The following ANO6 variants were observed in gnomAD, a reference collection of about 807,000 sequenced individuals.
ANO6 encodes the protein anoctamin-6.
In ANO6, 106 loss-of-function variants were observed where a neutral mutation model predicts 117.5. The ratio of observed to expected loss-of-function variants is 0.90; its 90% CI spans 0.77 to 1.06. The LOEUF is 1.06. ANO6 is among the 50% of genes least tolerant of loss of function. The pLI is 0.00. For synonymous variants in ANO6, 367 were observed against 385.1 expected (o/e 0.95, Z 0.55); for missense variants, 955 against 1,121.1 (o/e 0.85, Z 2.12).
At chr12:45,398,504 C>G (rs113598565) in intron 12 of ANO6, among the ~76,000 whole-genome samples, 1 of 152,116 alleles carries the variant, frequency 6.6e-6, no homozygotes, top group Non-Finnish European at 1.5e-5. Context: ...ATGCTTTAAT[C>G]CACTAATTTA....
chr12:45,335,542 A>T (rs1218169333), intron 3 of ANO6: 1 of 152,002 alleles, frequency 6.6e-6, no homozygotes, highest in East Asian at 1.9e-4. Flanking sequence ...ATGCACCAAA[A>T]CGCAAAATTT....
chr12:45,404,841 G>A lies in ANO6; in HGVS notation c.1880+1305G>A, dbSNP rs901539567. Among the ~76,000 whole-genome samples the A allele has an allele frequency of 2.0e-5, 3 of 151,956 alleles. No homozygotes were observed. The East Asian group carries it at 5.8e-4, about 29-fold the overall frequency. On this transcript the variant is annotated intron_variant, in intron 15 of 19. Transcript: ENST00000320560. The stretch of plus-strand genomic sequence containing the variant: ...TCGCCTCCTGCCATGTTGCCCTCTT[G>A]CCTCCATCACATACAACTTCTCTCT...
chr12:45,324,477 C>T (rs866083568), intron 2 of ANO6, among the ~76,000 whole-genome samples: 1 of 152,130 alleles, frequency 6.6e-6, no homozygotes, highest in South Asian at 2.1e-4. Context: ...AAGTTGCAAA[C>T]GTTGATTTCC....
chr12:45,235,887 G>C (rs1338783995), intron 1 of ANO6, among the ~76,000 whole-genome samples: 1 of 152,012 alleles, frequency 6.6e-6, no homozygotes, highest in Non-Finnish European at 1.5e-5. Flanking sequence ...CTCCAGCTGT[G>C]AGCTGGGTGT....
chr12:45,368,049 T>G (rs1041728890), intron 9 of ANO6, among the ~76,000 whole-genome samples: 1 of 152,212 alleles, frequency 6.6e-6, no homozygotes. Flanking sequence ...TATTTGAGTA[T>G]TTCAAGTAAT....
At chr12:45,301,346 C>T (rs983425283) in intron 1 of ANO6, among the ~76,000 whole-genome samples, 6 of 151,682 alleles carry the variant, frequency 4.0e-5, no homozygotes, top group South Asian at 2.1e-4. Context: ...AATCTCAGCA[C>T]GTTGGGAGGC....
At chr12:45,304,739 T>G (rs1939609488) in intron 2 of ANO6, among the ~76,000 whole-genome samples, 1 of 152,212 alleles carries the variant, frequency 6.6e-6, no homozygotes, top group African/African-American at 2.4e-5. Context: ...TTCTTTCCTT[T>G]GAAACGAGAC....
chr12:45,249,091 A>T (rs2137183222), intron 1 of ANO6, among the ~76,000 whole-genome samples: 1 of 152,310 alleles, frequency 6.6e-6, no homozygotes, highest in East Asian at 1.9e-4. Flanking sequence ...ACTTTTTCTG[A>T]GGATGAAATA....
chr12:45,310,713 A>G (rs943147584), intron 2 of ANO6, among the ~76,000 whole-genome samples: 1 of 152,080 alleles, frequency 6.6e-6, no homozygotes, highest in South Asian at 2.1e-4. Flanking sequence ...CCAGGGTATT[A>G]AAAGAGCTTG....
intron 1 of ANO6, among the ~76,000 whole-genome samples, chr12:45,233,637 T>C (rs1170826370): frequency 6.6e-6 from 1 of 152,204 alleles, no homozygotes; most frequent in African/African-American, 2.4e-5. Context: ...CAGTGATATT[T>C]TTGGTTAACA....
At chr12:45,422,893 GC>G in intron 18 of ANO6, 63 bp from the exon 19 acceptor site, 2 of 1,235,090 alleles carry the variant, frequency 1.6e-6, no homozygotes, top group Non-Finnish European at 2.4e-6. Context: ...TTTAAATGGG[GC>G]CTTTGTTTAC....
intron 1 of ANO6, among the ~76,000 whole-genome samples, chr12:45,222,189 C>G (rs1458634648): frequency 6.6e-6 from 1 of 151,680 alleles, no homozygotes; most frequent in Admixed American, 6.6e-5. Context: ...CCCCCCCACT[C>G]CAGCTCTGTT....
intron 1 of ANO6, among the ~76,000 whole-genome samples, chr12:45,300,458 G>A (rs1939445611): frequency 6.6e-6 from 1 of 152,198 alleles, no homozygotes; most frequent in Non-Finnish European, 1.5e-5. Flanking sequence ...GATTACAAGT[G>A]TGAGTTATCA....
chr12:45,355,467 C>T (rs1941386412), intron 7 of ANO6, among the ~76,000 whole-genome samples: 1 of 152,034 alleles, frequency 6.6e-6, no homozygotes, highest in Admixed American at 6.6e-5. Context: ...GGAGCTTGGA[C>T]CAGGCAACTT....
At chr12:45,312,181 G>A (rs1939869897) in intron 2 of ANO6, among the ~76,000 whole-genome samples, 1 of 152,044 alleles carries the variant, frequency 6.6e-6, no homozygotes, top group South Asian at 2.1e-4. Flanking sequence ...TGGACATTCT[G>A]AACAAAGATG....
downstream of ANO6, among the ~76,000 whole-genome samples, chr12:45,435,397 G>GGCCA (rs1361693639): frequency 2.6e-5 from 4 of 152,184 alleles, no homozygotes; most frequent in Non-Finnish European, 5.9e-5. Context: ...CTGCCAGGAT[G>GGCCA]GCCAGTCTGT....
At chr12:45,273,442 A>G (rs1938452412) in intron 1 of ANO6, among the ~76,000 whole-genome samples, 1 of 152,220 alleles carries the variant, frequency 6.6e-6, no homozygotes, top group Non-Finnish European at 1.5e-5. Flanking sequence ...GCAGCCAAGC[A>G]AAATAGTTGA....
chr12:45,388,124 T>C (rs1274092505), intron 10 of ANO6, 37 bp from the exon 11 acceptor site: 4 of 1,612,740 alleles, frequency 2.5e-6, no homozygotes, highest in Non-Finnish European at 2.5e-6. Flanking sequence ...TCAGTCATCA[T>C]TGAAAATCCA....
chr12:45,382,805 T>C (rs1942202082), intron 10 of ANO6, among the ~76,000 whole-genome samples: 1 of 152,224 alleles, frequency 6.6e-6, no homozygotes, highest in African/African-American at 2.4e-5. Context: ...TTACTACAAA[T>C]GCTGACAATC....
Sources: gnomAD v4.1 joint callset for allele counts (sites outside exome capture counted in the v4.1 genomes callset) on GRCh38, gnomAD v4.1.1 for gene constraint, MANE v1.5 for transcripts, NCBI Gene and HGNC (gene_info 2026-07-23, HGNC 2026-07-21) for gene names.